Variants in PHF14 observed in about 807,000 individuals in gnomAD.
PHF14 encodes PHD finger protein 14.
Under a neutral mutation model 117.9 loss-of-function variants are expected in PHF14, and 55 were observed. The ratio of observed to expected loss-of-function variants is 0.47; its 90% CI spans 0.38 to 0.58. PHF14 has a LOEUF of 0.58. Among genes scored for constraint, PHF14 ranks in the 20% least tolerant of loss-of-function variants. The pLI is 0.00. For synonymous variants in PHF14, 409 were observed against 368.6 expected (o/e 1.11, Z -1.26); for missense variants, 978 against 1,122.2 (o/e 0.87, Z 1.84).
At chr7:11,040,037 A>G (rs1399167968) in intron 11 of PHF14, among the ~76,000 whole-genome samples, 1 of 152,302 alleles carries the variant, frequency 6.6e-6, no homozygotes, top group South Asian at 2.1e-4. Context: ...TTATTAAAAG[A>G]CTTTTAACAG....
At chr7:11,164,518 C>T (rs2128357943) in intron 17 of PHF14, among the ~76,000 whole-genome samples, 1 of 152,198 alleles carries the variant, frequency 6.6e-6, no homozygotes, top group Middle Eastern at 3.4e-3. Flanking sequence ...CTACAGGTGC[C>T]TTGCATTTGT....
chr7:11,054,001 A>G (rs1164288336), intron 14 of PHF14, among the ~76,000 whole-genome samples: 2 of 152,018 alleles, frequency 1.3e-5, no homozygotes, highest in Admixed American at 1.3e-4. Flanking sequence ...ACTTGTAGAA[A>G]TTCCAATGCA....
At chr7:11,069,423 G>C (rs1171608203) in intron 16 of PHF14, among the ~76,000 whole-genome samples, 1 of 152,122 alleles carries the variant, frequency 6.6e-6, no homozygotes, top group African/African-American at 2.4e-5. Flanking sequence ...TAAGGCACAG[G>C]TATTTGAACA....
intron 16 of PHF14, among the ~76,000 whole-genome samples, chr7:11,079,278 G>A (rs981209597): frequency 2.6e-5 from 4 of 152,144 alleles, no homozygotes; most frequent in Non-Finnish European, 4.4e-5. Context: ...TGGCTCGGTA[G>A]CTGGCTTTTG....
rs1184124183 is a variant in PHF14, at chr7:11,105,215, ATTATAT to A, written c.2655-6130_2655-6125del. ...GCTTTTATCCATCTTAACTTTAGAA[ATTATAT>A]TTATGCATTGTTTATAGATCATTGT... On this transcript the variant is annotated intron_variant, in intron 16 of 17. Coordinates refer to ENST00000634607, the MANE Select transcript of PHF14 (RefSeq NM_001007157.2). The A allele has an allele frequency of 1.7e-4, 165 of 961,400 alleles. No individual in the cohort carries two copies. In the African/African-American group the frequency reaches 2.7e-3, roughly 16 times the overall value. The allele number at this position is 961,400 out of a possible 1,614,324, so 59.6% of individuals were successfully genotyped here. A position where few individuals can be genotyped will look rare whatever the true frequency, so the allele number is the denominator to read the frequency against.
chr7:11,168,782 C>A (rs1016447426), intron 17 of PHF14, among the ~76,000 whole-genome samples: 4 of 152,060 alleles, frequency 2.6e-5, no homozygotes, highest in African/African-American at 9.7e-5. Flanking sequence ...TTGAAGGTTA[C>A]CATTTAATAC....
chr7:11,116,224 G>A (rs1787598532), intron 17 of PHF14, among the ~76,000 whole-genome samples: 2 of 151,828 alleles, frequency 1.3e-5, no homozygotes, highest in Non-Finnish European at 2.9e-5. Flanking sequence ...GTACTTTCTT[G>A]CCGAAGGTCT....
At chr7:10,985,638 GTTTT>G (rs61250143) in intron 3 of PHF14, among the ~76,000 whole-genome samples, 704 of 45,958 alleles carry the variant, frequency 0.015, 15 homozygotes, top group African/African-American at 0.049. Context: ...TTCTCAAACT[GTTTT>G]TTTTTTTTTT....
At chr7:10,976,290 G>A (rs1333159487) in intron 2 of PHF14, among the ~76,000 whole-genome samples, 1 of 152,108 alleles carries the variant, frequency 6.6e-6, no homozygotes, top group East Asian at 1.9e-4. Context: ...CTCCCATTTA[G>A]TTGGTTTGCT....
chr7:11,018,382 A>G (rs1783602914), intron 5 of PHF14, among the ~76,000 whole-genome samples: 2 of 152,112 alleles, frequency 1.3e-5, no homozygotes, highest in African/African-American at 2.4e-5. Flanking sequence ...GTTTGTGAAC[A>G]TGGAATATTT....
At chr7:11,017,330 A>C (rs1490121122) in intron 5 of PHF14, among the ~76,000 whole-genome samples, 1 of 152,136 alleles carries the variant, frequency 6.6e-6, no homozygotes, top group East Asian at 1.9e-4. Context: ...TTTCTTCATC[A>C]TGGTTGTACT....
chr7:11,168,944 A>G (rs1486498144), intron 17 of PHF14, among the ~76,000 whole-genome samples: 1 of 152,076 alleles, frequency 6.6e-6, no homozygotes, highest in Non-Finnish European at 1.5e-5. Flanking sequence ...GCCGACATGC[A>G]CATGCTTCCT....
chr7:11,167,057 C>T (rs1251331901), intron 17 of PHF14, among the ~76,000 whole-genome samples: 2 of 152,082 alleles, frequency 1.3e-5, no homozygotes, highest in African/African-American at 4.8e-5. Context: ...TAACCATGTT[C>T]CAATAGCTTA....
chr7:11,165,454 A>G (rs898194869), intron 17 of PHF14, among the ~76,000 whole-genome samples: 1 of 152,192 alleles, frequency 6.6e-6, no homozygotes, highest in African/African-American at 2.4e-5. Flanking sequence ...AGGTACTTAC[A>G]TCAACATCTA....
intron 7 of PHF14, among the ~76,000 whole-genome samples, chr7:11,032,443 T>G (rs1784150770): frequency 1.3e-5 from 2 of 152,048 alleles, no homozygotes; most frequent in Admixed American, 6.6e-5. Flanking sequence ...TGTGTCTTCT[T>G]TCAGTTTATA....
Position 11,028,674 on chromosome 7 carries a change from GT to G in PHF14, c.1318-5del. ...GCTTTGAGAATTTTTCTGTTACTTT[GT>G]TGTAGGAGTGTAGCTTTTGTGAAGA... On this transcript the variant is annotated splice_region_variant and splice_polypyrimidine_tract_variant and intron_variant, in intron 6 of 17. Coordinates refer to ENST00000634607, the MANE Select transcript of PHF14 (RefSeq NM_001007157.2). 1 of 1,613,320 alleles carries G rather than the reference GT, an allele frequency of 6.2e-7. No individual in the cohort carries two copies. Among genetic ancestry groups the G allele is most frequent in the South Asian group, 1.1e-5 (1 of 91,008 alleles).
chr7:11,087,845 G>A (rs1488902827), intron 16 of PHF14, among the ~76,000 whole-genome samples: 1 of 152,042 alleles, frequency 6.6e-6, no homozygotes, highest in Admixed American at 6.6e-5. Context: ...AAATAATTTA[G>A]GAACATTAGG....
At chr7:11,134,996 A>G (rs1216721487) in intron 17 of PHF14, among the ~76,000 whole-genome samples, 1 of 152,050 alleles carries the variant, frequency 6.6e-6, no homozygotes, top group East Asian at 1.9e-4. Context: ...CTTTTTCTTC[A>G]CTTGACAGAC....
intron 4 of PHF14, among the ~76,000 whole-genome samples, chr7:10,998,170 G>C (rs1782730742): frequency 6.6e-6 from 1 of 152,142 alleles, no homozygotes; most frequent in Admixed American, 6.5e-5. Context: ...TAGAGAGATT[G>C]AGTAGATAAG....
Sources: allele counts gnomAD v4.1 joint callset (sites outside exome capture counted in the v4.1 genomes callset), GRCh38; gene constraint gnomAD v4.1.1; transcripts MANE v1.5; gene names NCBI Gene and HGNC (gene_info 2026-07-23, HGNC 2026-07-21).